PUS10: variants seen among roughly 807,000 people sequenced by gnomAD.
The protein encoded by PUS10 is pseudouridine synthase 10.
Under a neutral mutation model 75.0 loss-of-function variants are expected in PUS10, and 59 were observed. The observed-to-expected ratio is 0.79, with a 90% CI of 0.64 to 0.98. The LOEUF is 0.98. Ranked by LOEUF, PUS10 falls within the 50% of genes least tolerant of loss-of-function variation. The pLI is 0.00. For synonymous variants in PUS10, 219 were observed against 211.6 expected, an observed-to-expected ratio of 1.03 and a Z score of -0.30; for missense variants, 650 against 614.4, an observed-to-expected ratio of 1.06 and a Z score of -0.61.
At chr2:60,953,161 A>C in intron 14 of PUS10, 47 bp from the exon 15 acceptor site, 1 of 1,038,634 alleles carries the variant, frequency 9.6e-7, no homozygotes, top group South Asian at 1.4e-5. Flanking sequence ...AACAAAATAC[A>C]AAAAAACCTT....
chr2:60,990,049 T>A (rs1165950975), intron 4 of PUS10, among the ~76,000 whole-genome samples: 1 of 151,812 alleles, frequency 6.6e-6, no homozygotes, highest in Non-Finnish European at 1.5e-5. Context: ...GACAAAAAAA[T>A]TACACAATAG....
At chr2:61,006,851 A>G (rs1295041611) in intron 3 of PUS10, among the ~76,000 whole-genome samples, 1 of 152,254 alleles carries the variant, frequency 6.6e-6, no homozygotes, top group African/African-American at 2.4e-5. Context: ...GAACCAAAAC[A>G]GCCAGGAGTA....
chr2:61,006,606 G>A lies in PUS10; in HGVS notation c.419C>T (p.Thr140Ile), dbSNP rs1328719968. The change falls in exon 4 of 18, where the codon ACC (threonine) becomes ATC (isoleucine). Residue 140 changes from threonine to isoleucine, a missense_variant. Transcript: ENST00000316752. Reference protein sequence around the residue: ...QKVEASGFEFTSLVFSVSFPP... With the variant: ...QKVEASGFEFISLVFSVSFPP... ...GAAGGAGACTGAAAATACCAAGCTG[G>A]TGAATTCAAACCCAGAGGCCTCAAC... is the stretch of plus-strand genomic sequence containing the variant. 1 of 1,613,424 alleles carries A rather than the reference G, an allele frequency of 6.2e-7. No homozygotes were observed.
intron 11 of PUS10, among the ~76,000 whole-genome samples, chr2:60,956,974 CAAAAAAAAAAAAAAA>C (rs56804354): frequency 1.6e-4 from 3 of 19,258 alleles, no homozygotes; most frequent in South Asian, 3.5e-3. Flanking sequence ...GACTCCATCT[CAAAAAAAAAAAAAAA>C]AAAAAAAAAA....
intron 1 of PUS10, among the ~76,000 whole-genome samples, chr2:61,012,949 C>A (rs1679723554): frequency 7.0e-6 from 1 of 141,872 alleles, no homozygotes; most frequent in Non-Finnish European, 1.5e-5. Flanking sequence ...TAAAAACTGA[C>A]CATGAAAAAC....
intron 2 of PUS10, chr2:61,010,031 T>C (rs1037760615): frequency 2.0e-5 from 3 of 152,350 alleles, no homozygotes; most frequent in Non-Finnish European, 4.4e-5. Flanking sequence ...GTTACATGAA[T>C]AGAACAGATC....
chr2:60,964,969 T>C, intron 8 of PUS10, 89 bp downstream of exon 8: 1 of 1,093,990 alleles, frequency 9.1e-7, no homozygotes, highest in South Asian at 1.3e-5. Context: ...AGTTGCCATG[T>C]TTCTGATGCA....
intron 8 of PUS10, among the ~76,000 whole-genome samples, chr2:60,964,314 T>C (rs948904829): frequency 7.9e-5 from 12 of 152,348 alleles, no homozygotes; most frequent in Non-Finnish European, 1.8e-4. Context: ...AACCAACAGA[T>C]GTACATTTGA....
intron 1 of PUS10, among the ~76,000 whole-genome samples, chr2:61,012,198 G>A: frequency 6.6e-6 from 1 of 152,152 alleles, no homozygotes; most frequent in South Asian, 2.1e-4. Context: ...ATCAAGAATG[G>A]TTGCTTCTGA....
In PUS10 at chr2:60,942,400, C is replaced by A; in HGVS notation, c.1585G>T (p.Asp529Tyr). 6.2e-7 allele frequency: 1 copy of A among 1,613,452 alleles called. No homozygotes were observed. ...TTTGTCTCCAAATTTGAAAGCTAGT[C>A]ATCCAGAGCAGGTGGCCAGTCAACA... Reference protein sequence around the residue: ...VDVDWPPALDD With the variant: ...VDVDWPPALDY Residue 529 changes from aspartate to tyrosine, a missense_variant, in exon 18 of 18, where the codon GAC (aspartate) becomes TAC (tyrosine). Asp to Tyr is a radical substitution (Grantham distance 160, BLOSUM62 -3). Coordinates refer to ENST00000316752, the MANE Select transcript of PUS10 (RefSeq NM_144709.4).
chr2:61,011,944 C>T (rs569240332), intron 1 of PUS10, 39 bp from the exon 2 acceptor site: 37 of 1,516,056 alleles, frequency 2.4e-5, no homozygotes, highest in African/African-American at 2.1e-4. Flanking sequence ...GCAGCTTCTG[C>T]GTTTTACTGT....
intron 4 of PUS10, among the ~76,000 whole-genome samples, chr2:60,982,853 A>G (rs1677487221): frequency 6.6e-6 from 1 of 151,628 alleles, no homozygotes; most frequent in African/African-American, 2.4e-5. Context: ...TTTTTGAGAC[A>G]GGGTCTCTTT....
At chr2:60,989,362 T>C (rs1433560117) in intron 4 of PUS10, among the ~76,000 whole-genome samples, 8 of 152,146 alleles carry the variant, frequency 5.3e-5, no homozygotes, top group Non-Finnish European at 1.0e-4. Context: ...CTGGAGATGG[T>C]AAAATGAAGG....
At chr2:60,949,218 T>C (rs1675183332) in intron 15 of PUS10, among the ~76,000 whole-genome samples, 1 of 152,164 alleles carries the variant, frequency 6.6e-6, no homozygotes, top group South Asian at 2.1e-4. Flanking sequence ...AAGATCTGAT[T>C]TTTCTCTGGT....
At chr2:61,014,005 A>G (rs1679807032) in intron 1 of PUS10, among the ~76,000 whole-genome samples, 1 of 152,146 alleles carries the variant, frequency 6.6e-6, no homozygotes, top group Non-Finnish European at 1.5e-5. Flanking sequence ...AAAGACATCA[A>G]CTTTACTTTG....
At chr2:61,011,557 A>C (rs1257226011) in intron 2 of PUS10, among the ~76,000 whole-genome samples, 2 of 152,210 alleles carry the variant, frequency 1.3e-5, no homozygotes, top group African/African-American at 4.8e-5. Context: ...ATTACACTAA[A>C]TGTTAGAAAG....
rs185589205 is a variant in PUS10, at chr2:60,998,458, G to A, written c.468+8099C>T. On this transcript the variant is annotated intron_variant, in intron 4 of 17. Transcript: ENST00000316752. ...TGTAATCCTAGCACTTTGGGAGGCC[G>A]AGGCGGACGCATCACCTGTCAGGAG... is the stretch of plus-strand genomic sequence containing the variant. Among the ~76,000 whole-genome samples the A allele has an allele frequency of 5.3e-5, 8 of 152,230 alleles. No individual in the cohort carries two copies. The East Asian group carries it at 7.7e-4, about 15-fold the overall frequency.
chr2:61,017,216 G>A (rs1239349295), intron 1 of PUS10: 6 of 152,496 alleles, frequency 3.9e-5, no homozygotes, highest in African/African-American at 9.7e-5. Flanking sequence ...AAGGGAAGAG[G>A]GAAGACTAAA....
intron 15 of PUS10, among the ~76,000 whole-genome samples, chr2:60,950,386 A>G (rs1675262193): frequency 6.6e-6 from 1 of 152,028 alleles, no homozygotes; most frequent in African/African-American, 2.4e-5. Flanking sequence ...ACATACTAAC[A>G]TGTAAATTAA....
Sources: allele counts gnomAD v4.1 joint callset (sites outside exome capture counted in the v4.1 genomes callset), GRCh38; gene constraint gnomAD v4.1.1; transcripts MANE v1.5; gene names NCBI Gene and HGNC (gene_info 2026-07-23, HGNC 2026-07-21).